The following UNC13C variants were observed in gnomAD, a reference collection of about 807,000 sequenced individuals.
UNC13C encodes the protein protein unc-13 homolog C.
In UNC13C, 174 loss-of-function variants were observed where a neutral mutation model predicts 245.4. The observed-to-expected ratio is 0.71, with a 90% confidence interval of 0.63 to 0.80. UNC13C has a LOEUF of 0.80. Ranked by LOEUF, UNC13C falls within the 30% of genes least tolerant of loss-of-function variation. The probability of loss-of-function intolerance (pLI) is 0.00; values close to 1 mark genes in which losing one functional copy is unlikely to be tolerated. For missense variants in UNC13C, 2,829 were observed against 2,602.9 expected (o/e 1.09, Z -1.89); for synonymous variants, 992 against 895.1 (o/e 1.11, Z -1.93).
At chr15:54,156,073 GT>G (rs1487495002) in intron 4 of UNC13C, among the ~76,000 whole-genome samples, 1 of 152,122 alleles carries the variant, frequency 6.6e-6, no homozygotes, top group Non-Finnish European at 1.5e-5. Flanking sequence ...AGTTATTCTG[GT>G]CAAACAATAA....
At position 54,573,307 on chromosome 15, in the gene UNC13C, G is replaced by GA. The variant is rs952516019; in HGVS notation, c.6106+5367dup. 2.6e-4 allele frequency among the ~76,000 whole-genome samples: 40 copies of GA among 151,684 alleles called. 1 individual carries two copies. The highest frequency in any genetic ancestry group is 9.7e-4 in the African/African-American group (40 of 41,402). On this transcript the variant is annotated intron_variant, in intron 30 of 32. Coordinates refer to ENST00000260323, the MANE Select transcript of UNC13C (RefSeq NM_001080534.3). ...TCTTTCTGTAGTAGTTAGACAAAAAGAAAAAAATACAAGGAATTGAATCCC... is the reference window on the plus strand; with the variant it reads ...TCTTTCTGTAGTAGTTAGACAAAAAGAAAAAAAATACAAGGAATTGAATCCC...
At chr15:53,963,766 C>T in the UNC13C span, among the ~76,000 whole-genome samples, 1 of 152,058 alleles carries the variant, frequency 6.6e-6, no homozygotes, top group East Asian at 1.9e-4. Flanking sequence ...AGAGGTGAAA[C>T]CTACAAGAGT....
intron 30 of UNC13C, among the ~76,000 whole-genome samples, chr15:54,588,061 T>C (rs1168902065): frequency 6.6e-6 from 1 of 152,146 alleles, no homozygotes; most frequent in African/African-American, 2.4e-5. Flanking sequence ...ACAAGGTAGA[T>C]TGGAGAGTCC....
At chr15:54,536,158 G>A (rs1384024637) in intron 26 of UNC13C, among the ~76,000 whole-genome samples, 7 of 151,776 alleles carry the variant, frequency 4.6e-5, no homozygotes, top group Admixed American at 2.0e-4. Flanking sequence ...CATTACCACC[G>A]ACCCCACAGA....
At chr15:54,336,209 GC>G (rs1191039184) in intron 16 of UNC13C, among the ~76,000 whole-genome samples, 1 of 151,884 alleles carries the variant, frequency 6.6e-6, no homozygotes, top group African/African-American at 2.4e-5. Context: ...ACAACATGAT[GC>G]TTTAAAATGT....
intron 30 of UNC13C, among the ~76,000 whole-genome samples, chr15:54,603,633 A>C (rs536220328): frequency 1.3e-3 from 196 of 152,234 alleles, no homozygotes; most frequent in African/African-American, 4.5e-3. Flanking sequence ...AGGCCAAGGC[A>C]GGCAGATCAC....
the UNC13C span, among the ~76,000 whole-genome samples, chr15:53,884,061 G>C: frequency 6.6e-6 from 1 of 152,128 alleles, no homozygotes; most frequent in Admixed American, 6.6e-5. Context: ...GTGCATGGCT[G>C]AGTTAGGGTG....
intron 29 of UNC13C, among the ~76,000 whole-genome samples, chr15:54,564,665 A>C (rs1291608083): frequency 6.6e-6 from 1 of 152,036 alleles, no homozygotes; most frequent in Admixed American, 6.6e-5. Context: ...TTGTATTCCC[A>C]AAAGTATTAG....
chr15:54,229,522 C>T (rs949578578), intron 4 of UNC13C, among the ~76,000 whole-genome samples: 10 of 151,970 alleles, frequency 6.6e-5, no homozygotes, highest in South Asian at 2.1e-4. Context: ...AATAATTGTA[C>T]GTATTTATCA....
intron 4 of UNC13C, among the ~76,000 whole-genome samples, chr15:54,182,100 T>A (rs911023547): frequency 6.6e-6 from 1 of 152,060 alleles, no homozygotes; most frequent in South Asian, 2.1e-4. Context: ...GTGAGCATCC[T>A]TGTCTTGTTT....
intron 2 of UNC13C, among the ~76,000 whole-genome samples, chr15:54,063,406 A>G (rs992850866): frequency 1.3e-5 from 2 of 152,072 alleles, no homozygotes; most frequent in Non-Finnish European, 2.9e-5. Context: ...ACCAAGTGGG[A>G]GGAGAGAAGT....
intron 19 of UNC13C, among the ~76,000 whole-genome samples, chr15:54,426,131 T>G (rs1039206712): frequency 3.8e-4 from 57 of 151,686 alleles, no homozygotes; most frequent in Admixed American, 1.7e-3. Context: ...GTCAGCTGAT[T>G]AGCAAACTTA....
At chr15:54,596,544 G>C (rs955265293) in intron 30 of UNC13C, among the ~76,000 whole-genome samples, 4 of 152,176 alleles carry the variant, frequency 2.6e-5, no homozygotes, top group African/African-American at 9.7e-5. Flanking sequence ...AGCACCACTA[G>C]GGTCAAATAA....
chr15:53,851,802 C>T, the UNC13C span, among the ~76,000 whole-genome samples: 59 of 152,282 alleles, frequency 3.9e-4, no homozygotes, highest in Middle Eastern at 3.4e-3. Flanking sequence ...CCCAAGAAGA[C>T]AGAGTTTGAG....
intron 25 of UNC13C, among the ~76,000 whole-genome samples, chr15:54,526,546 A>G (rs1026210529): frequency 6.6e-6 from 1 of 151,922 alleles, no homozygotes; most frequent in Admixed American, 6.6e-5. Flanking sequence ...CCTGGCTAAT[A>G]CAGTGAAACC....
intron 4 of UNC13C, among the ~76,000 whole-genome samples, chr15:54,200,319 A>C (rs1332295392): frequency 6.6e-6 from 1 of 152,044 alleles, no homozygotes; most frequent in Non-Finnish European, 1.5e-5. Context: ...ACTATACCCT[A>C]CAACAAATGG....
intron 19 of UNC13C, among the ~76,000 whole-genome samples, chr15:54,470,006 T>C (rs1180236025): frequency 6.6e-6 from 1 of 151,662 alleles, no homozygotes. Flanking sequence ...TATCTGACTC[T>C]TTTAAGATGC....
the UNC13C span, among the ~76,000 whole-genome samples, chr15:53,878,757 C>T: frequency 1.3e-5 from 2 of 152,092 alleles, no homozygotes; most frequent in Admixed American, 6.6e-5. Flanking sequence ...TCTGAAATCA[C>T]TAAAGGAAGA....
At chr15:54,349,504 A>G (rs919300418) in intron 17 of UNC13C, among the ~76,000 whole-genome samples, 1 of 152,154 alleles carries the variant, frequency 6.6e-6, no homozygotes, top group Non-Finnish European at 1.5e-5. Context: ...AAAAATTATA[A>G]CCTCACGTTG....
Sources: allele counts gnomAD v4.1 joint callset (sites outside exome capture counted in the v4.1 genomes callset), GRCh38; gene constraint gnomAD v4.1.1; transcripts MANE v1.5; gene names NCBI Gene and HGNC (gene_info 2026-07-23, HGNC 2026-07-21).